Variants in CDH1 observed in about 807,000 individuals in gnomAD.
CDH1 encodes cadherin 1.
CDH1 carries 35 observed loss-of-function variants against 84.5 expected under a neutral mutation model. The ratio of observed to expected loss-of-function variants is 0.41; its 90% CI spans 0.32 to 0.55. The LOEUF (loss-of-function observed/expected upper bound fraction) is 0.55, where lower values mean the gene tolerates loss of function less well. CDH1 is among the 20% of genes least tolerant of loss of function. The pLI is 0.19. For synonymous variants in CDH1, 417 were observed against 439.0 expected (o/e 0.95, Z 0.63); for missense variants, 994 against 1,126.6 (o/e 0.88, Z 1.68).
chr16:68,749,709 C>T (rs897980705), intron 2 of CDH1, among the ~76,000 whole-genome samples: 2 of 152,240 alleles, frequency 1.3e-5, no homozygotes, highest in African/African-American at 4.8e-5. Context: ...GCCACCAAGT[C>T]ACCCCGCCAG....
At chr16:68,806,442 G>A (rs994183979) in intron 3 of CDH1, among the ~76,000 whole-genome samples, 2 of 152,078 alleles carry the variant, frequency 1.3e-5, no homozygotes, top group Non-Finnish European at 2.9e-5. Context: ...GAGCCACCAC[G>A]CCTGGCCCAG....
At chr16:68,745,549 A>AAATATATATATATATATGTAT (rs1555510453) in intron 2 of CDH1, among the ~76,000 whole-genome samples, 6 of 75,180 alleles carry the variant, frequency 8.0e-5, no homozygotes, top group African/African-American at 1.1e-4. Context: ...AAAAAAAAAA[A>AAATATATATATATATATGTAT]ATATATATAT....
At chr16:68,822,745 A>G (rs1329218492) in intron 12 of CDH1, 1 of 267,038 alleles carries the variant, frequency 3.7e-6, no homozygotes, top group African/African-American at 2.2e-5. Context: ...TCTTCCACAA[A>G]TTGGCCAAGG....
chr16:68,781,270 C>T (rs1335511798), intron 2 of CDH1, among the ~76,000 whole-genome samples: 1 of 152,152 alleles, frequency 6.6e-6, no homozygotes, highest in Non-Finnish European at 1.5e-5. Context: ...GCCTCAGTTG[C>T]CTCCGCTTCA....
At chr16:68,767,361 AT>A (rs1487150382) in intron 2 of CDH1, among the ~76,000 whole-genome samples, 3 of 151,330 alleles carry the variant, frequency 2.0e-5, no homozygotes, top group Admixed American at 2.0e-4. Flanking sequence ...TGCCCGGCTA[AT>A]TTTTTTTGTA....
intron 2 of CDH1, among the ~76,000 whole-genome samples, chr16:68,767,987 C>G (rs1264149342): frequency 2.0e-5 from 3 of 150,620 alleles, no homozygotes; most frequent in Non-Finnish European, 2.9e-5. Context: ...TGGAGCTTTG[C>G]TCTTGTTGCC....
At chr16:68,748,469 C>T (rs1386027416) in intron 2 of CDH1, among the ~76,000 whole-genome samples, 3 of 152,118 alleles carry the variant, frequency 2.0e-5, no homozygotes, top group Non-Finnish European at 4.4e-5. Flanking sequence ...TTATGGGGTA[C>T]GTTCTTTTAT....
intron 1 of CDH1, 31 bp from the exon 2 acceptor site, chr16:68,738,266 C>A (rs1244583169): frequency 7.2e-7 from 1 of 1,394,598 alleles, no homozygotes; most frequent in Non-Finnish European, 1.0e-6. Context: ...CTCCGAGTCA[C>A]CCGGTTCCAT....
chr16:68,826,708 G>A (rs571719090), intron 13 of CDH1, among the ~76,000 whole-genome samples: 1 of 152,236 alleles, frequency 6.6e-6, no homozygotes, highest in South Asian at 2.1e-4. Context: ...TGCGGATACT[G>A]GGCTTCTGGC....
At chr16:68,763,979 T>TG (rs897485830) in intron 2 of CDH1, among the ~76,000 whole-genome samples, 1 of 152,044 alleles carries the variant, frequency 6.6e-6, no homozygotes, top group Non-Finnish European at 1.5e-5. Flanking sequence ...CAGAGCTGGT[T>TG]GGGGGGATGG....
chr16:68,799,781 G>C (rs1461586125), intron 2 of CDH1, among the ~76,000 whole-genome samples: 5 of 152,058 alleles, frequency 3.3e-5, no homozygotes, highest in African/African-American at 7.3e-5. Context: ...TGGGAGGCGA[G>C]GTGGATGGAT....
intron 10 of CDH1, 125 bp from the exon 11 acceptor site, chr16:68,819,155 C>T: frequency 9.2e-7 from 1 of 1,088,796 alleles, no homozygotes; most frequent in East Asian, 2.4e-5. Context: ...CGCGACCGGC[C>T]TATTGTTGGT....
chr16:68,796,303 G>A (rs147474922), intron 2 of CDH1, among the ~76,000 whole-genome samples: 2 of 152,288 alleles, frequency 1.3e-5, no homozygotes, highest in East Asian at 1.9e-4. Flanking sequence ...AACTAGTTAC[G>A]TCTAAGATAC....
chr16:68,782,357 G>C (rs7186084), intron 2 of CDH1, among the ~76,000 whole-genome samples: 43,268 of 152,120 alleles, frequency 0.28, 6,280 homozygotes, highest in Middle Eastern at 0.34. Flanking sequence ...CAGAAGTTTC[G>C]AGTTCTGCAA....
rs762141299 is a variant in CDH1, at chr16:68,813,266, C to G, written c.1138-47C>G. On this transcript the variant is annotated intron_variant, in intron 8 of 15. Transcript: ENST00000261769. ...TTTAGCCCCCTGAGACTCAGCTCTG[C>G]TAGCAGTCTTGGTACTTTGTAAATG... 3.2e-6 allele frequency: 5 copies of G among 1,586,700 alleles called. No homozygotes were observed. The South Asian group carries it at 5.5e-5, about 18-fold the overall frequency.
chr16:68,755,658 A>C (rs1403903709), intron 2 of CDH1, among the ~76,000 whole-genome samples: 1 of 152,082 alleles, frequency 6.6e-6, no homozygotes, highest in Non-Finnish European at 1.5e-5. Context: ...ATCTCCTTTA[A>C]AGGGTATCAG....
intron 10 of CDH1, among the ~76,000 whole-genome samples, chr16:68,816,585 T>TAAA (rs927351443): frequency 1.2e-4 from 18 of 152,054 alleles, no homozygotes; most frequent in Non-Finnish European, 1.6e-4. Flanking sequence ...CTGCCTCCAC[T>TAAA]AAAAACACAA....
At chr16:68,766,646 C>A (rs561854274) in intron 2 of CDH1, among the ~76,000 whole-genome samples, 1 of 152,280 alleles carries the variant, frequency 6.6e-6, no homozygotes, top group African/African-American at 2.4e-5. Flanking sequence ...ACTGACATAG[C>A]CTTACTATAT....
chr16:68,777,799 T>G (rs1257818376), intron 2 of CDH1, among the ~76,000 whole-genome samples: 1 of 152,080 alleles, frequency 6.6e-6, no homozygotes, highest in Non-Finnish European at 1.5e-5. Context: ...TGGCACAATT[T>G]CAGCTCACTG....
Sources: gnomAD v4.1 joint callset for allele counts (sites outside exome capture counted in the v4.1 genomes callset) on GRCh38, gnomAD v4.1.1 for gene constraint, MANE v1.5 for transcripts, NCBI Gene and HGNC (gene_info 2026-07-23, HGNC 2026-07-21) for gene names.